Variants in CNTNAP5 observed in about 807,000 individuals in gnomAD.
CNTNAP5 encodes contactin-associated protein-like 5.
In CNTNAP5, 72 loss-of-function variants were observed where a neutral mutation model predicts 150.2. The observed-to-expected ratio is 0.48, with a 90% CI of 0.40 to 0.58. The LOEUF (loss-of-function observed/expected upper bound fraction) is 0.58, where lower values mean the gene tolerates loss of function less well. Ranked by LOEUF, CNTNAP5 falls within the 20% of genes least tolerant of loss-of-function variation. The pLI is 0.00. For missense variants in CNTNAP5, 1,636 were observed against 1,626.2 expected (o/e 1.01, Z -0.10); for synonymous variants, 672 against 619.8 (o/e 1.08, Z -1.25).
chr2:124,724,721 G>T (rs964449270), intron 13 of CNTNAP5, among the ~76,000 whole-genome samples: 2 of 151,842 alleles, frequency 1.3e-5, no homozygotes, highest in Admixed American at 6.6e-5. Flanking sequence ...CCCTTAATGT[G>T]CTCTCTATCA....
chr2:124,469,520 T>G (rs1693453852), intron 6 of CNTNAP5, among the ~76,000 whole-genome samples: 1 of 152,152 alleles, frequency 6.6e-6, no homozygotes, highest in Non-Finnish European at 1.5e-5. Flanking sequence ...ATAAATTTGA[T>G]GTATGTGAAA....
chr2:124,902,583 T>C lies in CNTNAP5; in HGVS notation c.3437-299T>C, dbSNP rs181181213. ...CACCTAAAATACAGAACAGATTTAT[T>C]GTCTTTGTTACAGTTCATAAAATAC... On this transcript the variant is annotated intron_variant, in intron 21 of 23. Coordinates refer to ENST00000682447, the MANE Select transcript of CNTNAP5 (RefSeq NM_001367498.1). Among the ~76,000 whole-genome samples, 9 of 152,296 alleles carry C rather than the reference T, an allele frequency of 5.9e-5. No individual in the cohort carries two copies. The East Asian group carries it at 1.5e-3, about 26-fold the overall frequency.
chr2:124,170,646 C>T (rs557893218), intron 1 of CNTNAP5, among the ~76,000 whole-genome samples: 2 of 152,320 alleles, frequency 1.3e-5, no homozygotes, highest in African/African-American at 4.8e-5. Context: ...GTGATAGAGA[C>T]AGCCAAGGTG....
chr2:124,151,669 C>T (rs1338550330), intron 1 of CNTNAP5, among the ~76,000 whole-genome samples: 1 of 152,208 alleles, frequency 6.6e-6, no homozygotes, highest in Non-Finnish European at 1.5e-5. Flanking sequence ...GTATGTACCA[C>T]GTCTGACAGA....
At chr2:124,145,768 C>A in intron 1 of CNTNAP5, among the ~76,000 whole-genome samples, 2 of 90,440 alleles carry the variant, frequency 2.2e-5, no homozygotes, top group African/African-American at 4.6e-5. Context: ...ACAATGTGCA[C>A]ATGTACCCTA....
intron 1 of CNTNAP5, among the ~76,000 whole-genome samples, chr2:124,139,732 T>C (rs79068538): frequency 0.051 from 7,713 of 152,212 alleles, 288 homozygotes; most frequent in South Asian, 0.16. Context: ...TGCCCGATCA[T>C]TGTTATTAAT....
In CNTNAP5 at chr2:124,364,812, G is replaced by T. The variant is rs149255572; in HGVS notation, c.382-52631G>T. Among the ~76,000 whole-genome samples the T allele has an allele frequency of 2.0e-3, 307 of 152,260 alleles. 2 individuals are homozygous for T. Among genetic ancestry groups the T allele is most frequent in the African/African-American group, 7.1e-3 (294 of 41,558 alleles). ...ACCAGAGGAGAAAAAGGAAATTAAT[G>T]GAGGATAATACAGTAGAGCTTTACT... On this transcript the variant is annotated intron_variant, in intron 3 of 23. Coordinates refer to ENST00000682447, the MANE Select transcript of CNTNAP5 (RefSeq NM_001367498.1).
intron 12 of CNTNAP5, among the ~76,000 whole-genome samples, chr2:124,644,526 T>C (rs1353095544): frequency 6.6e-6 from 1 of 152,164 alleles, no homozygotes; most frequent in Non-Finnish European, 1.5e-5. Flanking sequence ...AATCAATAAA[T>C]GAATGTATGA....
chr2:124,790,193 G>T lies in CNTNAP5; in HGVS notation c.2992+52G>T, dbSNP rs898116913. ...GAGTGCAGTGCTGTATCACCTATAC[G>T]CTATGGTCAGGCCATGTGATACTCA... On this transcript the variant is annotated intron_variant, in intron 18 of 23. Transcript: ENST00000682447. 1.4e-5 allele frequency: 22 copies of T among 1,522,744 alleles called. 1 individual carries two copies. Among genetic ancestry groups the T allele is most frequent in the South Asian group, 7.7e-5 (6 of 78,326 alleles). The allele number at this position is 1,522,744 out of a possible 1,614,324, so 94.3% of individuals were successfully genotyped here. A position where few individuals can be genotyped will look rare whatever the true frequency, so the allele number is the denominator to read the frequency against.
At chr2:124,763,524 T>TA (rs1292609338) in intron 14 of CNTNAP5, 148 bp from the exon 15 acceptor site, 1 of 655,766 alleles carries the variant, frequency 1.5e-6, no homozygotes, top group Non-Finnish European at 2.6e-6. Context: ...CACATACACT[T>TA]AGGCGATGAA....
At chr2:124,585,034 C>T (rs982324100) in intron 11 of CNTNAP5, among the ~76,000 whole-genome samples, 1 of 152,168 alleles carries the variant, frequency 6.6e-6, no homozygotes. Context: ...CCCCAGAAGG[C>T]TTCAGGAACC....
intron 3 of CNTNAP5, among the ~76,000 whole-genome samples, chr2:124,397,909 C>CA (rs1432088978): frequency 4.6e-5 from 7 of 152,262 alleles, no homozygotes; most frequent in African/African-American, 1.7e-4. Flanking sequence ...GAGCCACCAG[C>CA]AAAACATTGC....
intron 17 of CNTNAP5, among the ~76,000 whole-genome samples, chr2:124,786,530 AAAG>A (rs1681599776): frequency 1.3e-5 from 2 of 148,256 alleles, no homozygotes; most frequent in African/African-American, 2.6e-5. Context: ...AAAGAGAAAG[AAAG>A]GAAAGAAAGA....
rs1553480422 is a variant in CNTNAP5 at position 124,567,854 on chromosome 2, T to TAGATAGATAG, written c.1756+4533_1756+4542dup. On this transcript the variant is annotated intron_variant, in intron 11 of 23. Transcript: ENST00000682447. ...CATAGATGATAGATAGATAGATAGA[T>TAGATAGATAG]AGATAGATAGATAGATAGATAGATA... is the stretch of plus-strand genomic sequence containing the variant. Among the ~76,000 whole-genome samples the TAGATAGATAG allele has an allele frequency of 3.2e-4, 38 of 117,070 alleles. 1 individual carries two copies. Among genetic ancestry groups the TAGATAGATAG allele is most frequent in the African/African-American group, 1.2e-3 (37 of 32,098 alleles). The allele number at this position is 117,070 out of a possible 152,430, so 76.8% of individuals were successfully genotyped here. A position where few individuals can be genotyped will look rare whatever the true frequency, so the allele number is the denominator to read the frequency against.
intron 18 of CNTNAP5, among the ~76,000 whole-genome samples, chr2:124,796,311 C>T (rs1681845038): frequency 6.6e-6 from 1 of 152,158 alleles, no homozygotes; most frequent in African/African-American, 2.4e-5. Flanking sequence ...CTGAATTTTA[C>T]TTCCATTTAA....
At chr2:124,842,372 G>A (rs1682962685) in intron 19 of CNTNAP5, among the ~76,000 whole-genome samples, 1 of 152,102 alleles carries the variant, frequency 6.6e-6, no homozygotes. Flanking sequence ...CAAGGAACCT[G>A]TTTGATTTTG....
At chr2:124,386,597 A>C (rs1690932309) in intron 3 of CNTNAP5, among the ~76,000 whole-genome samples, 1 of 152,234 alleles carries the variant, frequency 6.6e-6, no homozygotes, top group South Asian at 2.1e-4. Flanking sequence ...AAGAAGTTGC[A>C]GCCTTCTTCA....
chr2:124,147,298 T>G (rs1684277934), intron 1 of CNTNAP5, among the ~76,000 whole-genome samples: 1 of 151,610 alleles, frequency 6.6e-6, no homozygotes, highest in African/African-American at 2.4e-5. Flanking sequence ...ATGCATGTAC[T>G]ATATATCAGC....
chr2:124,370,269 T>G (rs1320932541), intron 3 of CNTNAP5, among the ~76,000 whole-genome samples: 1 of 152,090 alleles, frequency 6.6e-6, no homozygotes, highest in Admixed American at 6.6e-5. Flanking sequence ...AGGTTGTGCT[T>G]TTTGGAAAAC....
Sources: gnomAD v4.1 joint callset for allele counts (sites outside exome capture counted in the v4.1 genomes callset) on GRCh38, gnomAD v4.1.1 for gene constraint, MANE v1.5 for transcripts, NCBI Gene and HGNC (gene_info 2026-07-23, HGNC 2026-07-21) for gene names.